The following UBXN10 variants were observed in gnomAD, a reference collection of about 807,000 sequenced individuals.
UBXN10 encodes the protein UBX domain-containing protein 10.
A neutral mutation model predicts 6.9 loss-of-function variants in UBXN10; 6 were observed. That is an observed-to-expected ratio of 0.87 (90% CI 0.48 to 1.72). The LOEUF (loss-of-function observed/expected upper bound fraction) is 1.72, where lower values mean the gene tolerates loss of function less well. Ranked by LOEUF, UBXN10 falls within the 40% of genes most tolerant of loss-of-function variation. UBXN10 has a pLI of 0.01. For missense variants in UBXN10, 317 were observed against 348.4 expected, an observed-to-expected ratio of 0.91 and a Z score of 0.72; for synonymous variants, 131 against 135.2, an observed-to-expected ratio of 0.97 and a Z score of 0.21.
rs1015642046 is a variant in UBXN10, at chr1:20,192,920, T to C, written c.*1516T>C. On this transcript the variant is annotated 3_prime_UTR_variant, in exon 2 of 2. Transcript: ENST00000375099. ...GAAGGCTGGTCTGGTCCTAACTGCA[T>C]CCCACACTGCCCAGATCATTCTAGA... The C allele has an allele frequency of 6.0e-6, 1 of 167,138 alleles. No individual in the cohort carries two copies. The highest frequency in any genetic ancestry group is 1.5e-5 in the Non-Finnish European group (1 of 68,140). The allele number at this position is 167,138 out of a possible 1,614,324, so 10.4% of individuals were successfully genotyped here. A position where few individuals can be genotyped will look rare whatever the true frequency, so the allele number is the denominator to read the frequency against.
rs899743777 is a variant in UBXN10 at position 20,191,371 on chromosome 1, C to T, written c.810C>T (p.Gly270=). 7 of 1,611,840 alleles carry T rather than the reference C, an allele frequency of 4.3e-6. No homozygotes were observed. The highest frequency in any genetic ancestry group is 5.9e-6 in the Non-Finnish European group (7 of 1,178,170). Residue 270 remains glycine, a synonymous_variant, in exon 2 of 2, where the codon GGC becomes GGT. Transcript: ENST00000375099. This position sits in a 1 kb window ranked among gnomAD's most constrained non-coding sequence, Gnocchi z 4.5. ...GAATCCCCCACAAGTCTGTGCTGGGCATCTCACTGGAAGATGGGGAAGGGT... is the reference window on the plus strand; with the variant it reads ...GAATCCCCCACAAGTCTGTGCTGGGTATCTCACTGGAAGATGGGGAAGGGT... ...ECRIPHKSVL[G]ISLEDGEGWP is the part of the protein sequence containing the mutation.
In UBXN10 at chr1:20,190,818, A is replaced by C. The variant is rs1226170269; in HGVS notation, c.257A>C (p.Lys86Thr). ...CAAAAACCAGGAGCCTGTGCACCCA[A>C]ATCTCCAAACCAGGGAGCTTCTGAT... Reference protein sequence around the residue: ...SSQKPGACAPKSPNQGASDEI... With the variant: ...SSQKPGACAPTSPNQGASDEI... The change falls in exon 2 of 2, where the codon AAA (lysine) becomes ACA (threonine). Residue 86 changes from lysine to threonine, a missense_variant. Lys to Thr is a moderately conservative substitution (Grantham distance 78). Transcript: ENST00000375099. 1.2e-6 allele frequency: 2 copies of C among 1,613,880 alleles called. No homozygotes were observed. Among genetic ancestry groups the C allele is most frequent in the Non-Finnish European group, 1.7e-6 (2 of 1,180,016 alleles).
intron 1 of UBXN10, 30 bp from the exon 2 acceptor site, chr1:20,190,517 C>T (rs775418691): frequency 1.3e-5 from 20 of 1,570,062 alleles, no homozygotes; most frequent in Middle Eastern, 1.9e-4. Flanking sequence ...GTTTAACCCA[C>T]GGACTCCTGT....
rs2018561194 is a variant in UBXN10 at position 20,194,027 on chromosome 1, A to G, written c.*2623A>G. ...GACAAGCATGGGTGTCCTGAAAAGAAAGTGTTGGCAAGAAAACATGAACCC... is the reference window on the plus strand; with the variant it reads ...GACAAGCATGGGTGTCCTGAAAAGAGAGTGTTGGCAAGAAAACATGAACCC... On this transcript the variant is annotated 3_prime_UTR_variant, in exon 2 of 2. Coordinates refer to ENST00000375099, the MANE Select transcript of UBXN10 (RefSeq NM_152376.5). 1.8e-5 allele frequency: 3 copies of G among 167,078 alleles called. No homozygotes were observed. The highest frequency in any genetic ancestry group is 4.4e-5 in the Non-Finnish European group (3 of 68,134). 10.3% of individuals were successfully genotyped at this position (167,078 alleles called of 1,614,324 possible).
upstream of UBXN10, among the ~76,000 whole-genome samples, chr1:20,183,593 C>T (rs2018311503): frequency 6.6e-6 from 1 of 152,166 alleles, no homozygotes; most frequent in South Asian, 2.1e-4. Context: ...TGCACAGCAC[C>T]ATCTTGGGCA....
upstream of UBXN10, among the ~76,000 whole-genome samples, chr1:20,183,810 C>A (rs553124490): frequency 5.9e-5 from 9 of 152,298 alleles, no homozygotes; most frequent in Admixed American, 3.9e-4. Flanking sequence ...ATCTGGGGAG[C>A]AAGCTGGCTG....
At chr1:20,184,228 C>CAA (rs3035015), upstream of UBXN10, 1 of 152,198 alleles carries the variant, frequency 6.6e-6, no homozygotes, top group Admixed American at 6.6e-5. Context: ...CACACACACA[C>CAA]GGTGAGAAGC....
rs2018535868 is a variant in UBXN10 at position 20,192,931 on chromosome 1, C to T, written c.*1527C>T. ...TGGTCCTAACTGCATCCCACACTGC[C>T]CAGATCATTCTAGAATAGGTTATTT... On this transcript the variant is annotated 3_prime_UTR_variant, in exon 2 of 2. Transcript: ENST00000375099. The T allele has an allele frequency of 6.0e-6, 1 of 167,110 alleles. No homozygotes were observed. The highest frequency in any genetic ancestry group is 2.1e-4 in the South Asian group (1 of 4,832). The allele number at this position is 167,110 out of a possible 1,614,324, so 10.4% of individuals were successfully genotyped here.
Position 20,191,685 on chromosome 1 carries a change from T to G in UBXN10, c.*281T>G, listed in dbSNP as rs1237916221. 1.3e-5 allele frequency: 5 copies of G among 378,928 alleles called. No individual in the cohort carries two copies. The highest frequency in any genetic ancestry group is 2.5e-5 in the Non-Finnish European group (5 of 202,942). 23.5% of individuals were successfully genotyped at this position (378,928 alleles called of 1,614,324 possible). On this transcript the variant is annotated 3_prime_UTR_variant, in exon 2 of 2. Coordinates refer to ENST00000375099, the MANE Select transcript of UBXN10 (RefSeq NM_152376.5). The surrounding 1 kb of genome is among the most constrained non-coding windows in gnomAD (Gnocchi z 4.5). ...AAACAGCAGTGATCATGACTTCTCC[T>G]TTCCAGAGTTTTGGGTCCTTCTGAA... is the stretch of plus-strand genomic sequence containing the variant.
chr1:20,190,695 G>T lies in UBXN10; in HGVS notation c.134G>T (p.Arg45Leu). 1 of 1,614,136 alleles carries T rather than the reference G, an allele frequency of 6.2e-7. No individual in the cohort carries two copies. Among genetic ancestry groups the T allele is most frequent in the Non-Finnish European group, 8.5e-7 (1 of 1,180,038 alleles). Residue 45 changes from arginine (R) to leucine (L), a missense_variant, in exon 2 of 2, where the codon CGG (arginine) becomes CTG (leucine). By Grantham distance (102) the Arg-to-Leu change is moderately radical. Coordinates refer to ENST00000375099, the MANE Select transcript of UBXN10 (RefSeq NM_152376.5). ...HMIRPKSAKG[R>L]TRPSLQKSQG... Reference sequence around the variant, plus strand: ...ATAAGGCCCAAGTCCGCCAAGGGACGGACAAGACCGAGTCTGCAGAAATCC... The same window carrying T: ...ATAAGGCCCAAGTCCGCCAAGGGACTGACAAGACCGAGTCTGCAGAAATCC...
At chr1:20,185,400 G>A (rs973573145), upstream of UBXN10, among the ~76,000 whole-genome samples, 72 of 152,292 alleles carry the variant, frequency 4.7e-4, no homozygotes, top group African/African-American at 1.7e-3. Flanking sequence ...GGATAGGGAA[G>A]AAGCAGATTG....
chr1:20,190,800 C>T lies in UBXN10; in HGVS notation c.239C>T (p.Pro80Leu). ...TATGAGTTGCCAAGCAGCCAAAAAC[C>T]AGGAGCCTGTGCACCCAAATCTCCA... The part of the protein sequence containing the change: ...IPYELPSSQK[P>L]GACAPKSPNQ... The change falls in exon 2 of 2, where the codon CCA (proline) becomes CTA (leucine). Residue 80 changes from proline to leucine, a missense_variant. Pro to Leu is a moderately conservative substitution (Grantham distance 98). Coordinates refer to ENST00000375099, the MANE Select transcript of UBXN10 (RefSeq NM_152376.5). 6.2e-7 allele frequency: 1 copy of T among 1,614,004 alleles called. No individual in the cohort carries two copies. Among genetic ancestry groups the T allele is most frequent in the Non-Finnish European group, 8.5e-7 (1 of 1,180,042 alleles).
chr1:20,190,537 G>A lies in UBXN10; in HGVS notation c.-15-10G>A. 6.3e-7 allele frequency: 1 copy of A among 1,580,206 alleles called. No individual in the cohort carries two copies. Among genetic ancestry groups the A allele is most frequent in the East Asian group, 2.3e-5 (1 of 44,390 alleles). The stretch of plus-strand genomic sequence containing the variant: ...ACCCACGGACTCCTGTTTTTTTCCT[G>A]CTTCCTTAGGGGTCTTGAGAAGCAA... On this transcript the variant is annotated splice_polypyrimidine_tract_variant and intron_variant, in intron 1 of 1. Transcript: ENST00000375099.
chr1:20,191,292 T>C lies in UBXN10; in HGVS notation c.731T>C (p.Met244Thr). Reference protein sequence around the residue: ...TSYRHCSIETMEVPRRRFSDL... With the variant: ...TSYRHCSIETTEVPRRRFSDL... ...TACCGACACTGCAGCATTGAAACAA[T>C]GGAGGTGCCCAGGAGGCGATTTTCT... The change falls in exon 2 of 2, where the codon ATG becomes ACG. Residue 244 changes from methionine to threonine, a missense_variant. By Grantham distance (81) the Met-to-Thr change is moderately conservative. Coordinates refer to ENST00000375099, the MANE Select transcript of UBXN10 (RefSeq NM_152376.5). This position sits in a 1 kb window ranked among gnomAD's most constrained non-coding sequence, Gnocchi z 4.5. The C allele has an allele frequency of 6.2e-7, 1 of 1,614,170 alleles. No homozygotes were observed.
At chr1:20,190,450 T>C in intron 1 of UBXN10, 97 bp from the exon 2 acceptor site, 1 of 1,459,360 alleles carries the variant, frequency 6.9e-7, no homozygotes, top group Non-Finnish European at 9.1e-7. Flanking sequence ...TGCCAGAAAT[T>C]TGTGCTTATT....
At chr1:20,188,675 C>G (rs1318235937) in intron 1 of UBXN10, among the ~76,000 whole-genome samples, 1 of 152,166 alleles carries the variant, frequency 6.6e-6, no homozygotes, top group Non-Finnish European at 1.5e-5. Context: ...TTTATTTTCA[C>G]ATGTTTTGAG....
In UBXN10 at chr1:20,190,535, C is replaced by T. The variant is rs1305894521; in HGVS notation, c.-15-12C>T. ...TAACCCACGGACTCCTGTTTTTTTC[C>T]TGCTTCCTTAGGGGTCTTGAGAAGC... is the stretch of plus-strand genomic sequence containing the variant. On this transcript the variant is annotated splice_polypyrimidine_tract_variant and intron_variant, in intron 1 of 1. Coordinates refer to ENST00000375099, the MANE Select transcript of UBXN10 (RefSeq NM_152376.5). 13 of 1,580,314 alleles carry T rather than the reference C, an allele frequency of 8.2e-6. No individual in the cohort carries two copies. The Admixed American group carries it at 1.1e-4, about 13-fold the overall frequency.
At position 20,190,712 on chromosome 1, in the gene UBXN10, C is replaced by T; in HGVS notation, c.151C>T (p.Gln51Ter). Reference protein sequence around the residue: ...SAKGRTRPSLQKSQGVEVCAH... With the variant: ...SAKGRTRPSL ...CAAGGGACGGACAAGACCGAGTCTG[C>T]AGAAATCCCAGGGCGTGGAGGTGTG... The change falls in exon 2 of 2, where the codon CAG (glutamine) becomes TAG (stop). Residue 51 changes from glutamine to a stop codon, truncating the protein, a stop_gained. Coordinates refer to ENST00000375099, the MANE Select transcript of UBXN10 (RefSeq NM_152376.5). LOFTEE classifies it low-confidence loss of function (END_TRUNC). 1.2e-6 allele frequency: 2 copies of T among 1,613,816 alleles called. No individual in the cohort carries two copies. Among genetic ancestry groups the T allele is most frequent in the Non-Finnish European group, 1.7e-6 (2 of 1,179,986 alleles).
chr1:20,195,112 G>C lies in UBXN10; in HGVS notation c.*3708G>C, dbSNP rs1246771327. 2 of 167,124 alleles carry C rather than the reference G, an allele frequency of 1.2e-5. No individual in the cohort carries two copies. The highest frequency in any genetic ancestry group is 2.9e-5 in the Non-Finnish European group (2 of 68,132). 10.4% of individuals were successfully genotyped at this position (167,124 alleles called of 1,614,324 possible). A position where few individuals can be genotyped will look rare whatever the true frequency, so the allele number is the denominator to read the frequency against. On this transcript the variant is annotated 3_prime_UTR_variant, in exon 2 of 2. Transcript: ENST00000375099. ...TGTTTTATTTTTTGTCTACACGGGT[G>C]GCGTGCCACTTTCCTTTCCTGATTA... is the stretch of plus-strand genomic sequence containing the variant.
Sources: allele counts gnomAD v4.1 joint callset (sites outside exome capture counted in the v4.1 genomes callset), GRCh38; gene constraint gnomAD v4.1.1; non-coding constraint Gnocchi (gnomAD v3.1); transcripts MANE v1.5; gene names NCBI Gene and HGNC (gene_info 2026-07-23, HGNC 2026-07-21).